Variants in NEBL observed in about 807,000 individuals in gnomAD.
NEBL encodes nebulette, also known as LIM and SH3 protein 2.
In NEBL, 122 loss-of-function variants were observed where a neutral mutation model predicts 140.2. That is an observed-to-expected ratio of 0.87 (90% confidence interval 0.75 to 1.01). NEBL has a LOEUF of 1.01. Ranked by LOEUF, NEBL falls within the 50% of genes least tolerant of loss-of-function variation. NEBL has a pLI of 0.00. For missense variants in NEBL, 1,365 were observed against 1,231.3 expected (o/e 1.11, Z -1.62); for synonymous variants, 436 against 398.9 (o/e 1.09, Z -1.11).
intron 2 of NEBL, chr10:21,126,028 G>A (rs147223120): frequency 1.2e-6 from 2 of 1,614,180 alleles, no homozygotes; most frequent in African/African-American, 1.3e-5. Flanking sequence ...CAGCCACCTG[G>A]CAAGCGTTGG....
intron 13 of NEBL, among the ~76,000 whole-genome samples, chr10:20,839,215 A>G (rs1209039006): frequency 5.3e-5 from 8 of 152,156 alleles, no homozygotes; most frequent in Non-Finnish European, 8.8e-5. Context: ...CCTGCCATTC[A>G]ACTGCATCTG....
chr10:20,871,422 A>C (rs1345778708), intron 5 of NEBL, among the ~76,000 whole-genome samples: 1 of 152,212 alleles, frequency 6.6e-6, no homozygotes, highest in Non-Finnish European at 1.5e-5. Flanking sequence ...AGCAGAATTA[A>C]AAATTTCACC....
chr10:20,885,242 C>T (rs1846403087), intron 4 of NEBL, among the ~76,000 whole-genome samples: 1 of 151,906 alleles, frequency 6.6e-6, no homozygotes, highest in African/African-American at 2.4e-5. Flanking sequence ...AATAGTTCTT[C>T]TACTTTCTTG....
chr10:21,225,826 G>A lies in NEBL; in HGVS notation n.348+22095C>T, dbSNP rs559045843. On this transcript the variant is annotated intron_variant and non_coding_transcript_variant, in intron 3 of 8. Transcript: ENST00000675702. Reference sequence around the variant, plus strand: ...GAGCAGGGTGGGAAATGCTAGCCAAGAGCCAAGCCCTGGAATTGGGGCCTC... The same window carrying A: ...GAGCAGGGTGGGAAATGCTAGCCAAAAGCCAAGCCCTGGAATTGGGGCCTC... 1.3e-4 allele frequency among the ~76,000 whole-genome samples: 20 copies of A among 152,300 alleles called. 2 individuals carry two copies. The highest frequency in any genetic ancestry group is 4.6e-4 in the African/African-American group (19 of 41,576).
At position 20,799,986 on chromosome 10, in the gene NEBL, C is replaced by T. The variant is rs937595166; in HGVS notation, c.2761+8524G>A. Among the ~76,000 whole-genome samples, 6 of 151,620 alleles carry T rather than the reference C, an allele frequency of 4.0e-5. No individual in the cohort carries two copies. In the East Asian group the frequency reaches 5.8e-4, roughly 15 times the overall value. Reference sequence around the variant, plus strand: ...GAGAGAGCGCACGCGTGTGAGAGAGCGAGCAAAGGGCAGCTACAATCTACT... The same window carrying T: ...GAGAGAGCGCACGCGTGTGAGAGAGTGAGCAAAGGGCAGCTACAATCTACT... On this transcript the variant is annotated intron_variant, in intron 26 of 27. Transcript: ENST00000377122.
intron 2 of NEBL, among the ~76,000 whole-genome samples, chr10:21,163,949 G>A (rs1840658482): frequency 2.6e-5 from 4 of 152,202 alleles, no homozygotes; most frequent in Admixed American, 2.6e-4. Context: ...TTCCAGTGAT[G>A]GAAGAAACAA....
intron 3 of NEBL, among the ~76,000 whole-genome samples, chr10:21,005,708 T>C (rs1339113740): frequency 5.3e-5 from 8 of 152,286 alleles, no homozygotes; most frequent in African/African-American, 1.9e-4. Context: ...CACTTCAGCC[T>C]GGGTGACAGA....
intron 3 of NEBL, among the ~76,000 whole-genome samples, chr10:21,014,596 T>TC (rs1463914810): frequency 1.3e-5 from 2 of 152,032 alleles, no homozygotes; most frequent in African/African-American, 2.4e-5. Context: ...AAGATGCAAC[T>TC]CCCCCCTGAG....
At chr10:21,259,972 T>G (rs1842718086) in intron 1 of NEBL, among the ~76,000 whole-genome samples, 1 of 152,178 alleles carries the variant, frequency 6.6e-6, no homozygotes, top group African/African-American at 2.4e-5. Context: ...GGAGTAAACC[T>G]GATACCACTG....
intron 4 of NEBL, among the ~76,000 whole-genome samples, chr10:20,941,072 C>T (rs1432031755): frequency 6.6e-6 from 1 of 152,176 alleles, no homozygotes; most frequent in Non-Finnish European, 1.5e-5. Flanking sequence ...GGGAATCCTC[C>T]CTAACTCATT....
At chr10:21,042,537 C>T (rs1224225666) in intron 2 of NEBL, among the ~76,000 whole-genome samples, 1 of 152,216 alleles carries the variant, frequency 6.6e-6, no homozygotes, top group African/African-American at 2.4e-5. Flanking sequence ...GTATTATGGT[C>T]TCTGCTCTTA....
intron 23 of NEBL, among the ~76,000 whole-genome samples, chr10:20,813,266 T>A (rs1004076992): frequency 6.6e-6 from 1 of 151,762 alleles, no homozygotes; most frequent in Non-Finnish European, 1.5e-5. Flanking sequence ...CTAATTTAAA[T>A]ATAAATTAAA....
intron 2 of NEBL, among the ~76,000 whole-genome samples, chr10:20,891,286 C>T (rs1709095870): frequency 6.6e-6 from 1 of 152,158 alleles, no homozygotes; most frequent in South Asian, 2.1e-4. Context: ...TATCTGAGCA[C>T]TAAATTACTT....
At chr10:21,150,634 T>A (rs1045688468) in intron 2 of NEBL, among the ~76,000 whole-genome samples, 8 of 152,182 alleles carry the variant, frequency 5.3e-5, no homozygotes, top group African/African-American at 1.7e-4. Flanking sequence ...GTAAATCCAT[T>A]TCCATATTTC....
Position 21,082,535 on chromosome 10 carries a change from T to TAAAAAA in NEBL, c.165-62340_165-62335dup, listed in dbSNP as rs61234594. ...AGTTTGAAGTGTTCCCCACCACCACTAAAAAAAAAAAAAAAAAAAAAAAAA... is the reference window on the plus strand; with the variant it reads ...AGTTTGAAGTGTTCCCCACCACCACTAAAAAAAAAAAAAAAAAAAAAAAAAAAAAAA... On this transcript the variant is annotated intron_variant, in intron 2 of 6. Transcript: ENST00000417816. 5.3e-3 allele frequency among the ~76,000 whole-genome samples: 622 copies of TAAAAAA among 117,178 alleles called. 26 individuals are homozygous for TAAAAAA. Among genetic ancestry groups the TAAAAAA allele is most frequent in the African/African-American group, 0.021 (520 of 25,194 alleles). The allele number at this position is 117,178 out of a possible 152,430, so 76.9% of individuals were successfully genotyped here.
At chr10:20,817,110 T>C (rs1051373971) in intron 21 of NEBL, among the ~76,000 whole-genome samples, 1 of 152,106 alleles carries the variant, frequency 6.6e-6, no homozygotes, top group African/African-American at 2.4e-5. Flanking sequence ...CCAGGCCCGG[T>C]GGCACACATC....
intron 3 of NEBL, among the ~76,000 whole-genome samples, chr10:20,974,024 G>A (rs959740347): frequency 1.3e-5 from 2 of 152,108 alleles, no homozygotes; most frequent in Middle Eastern, 3.2e-3. Context: ...AATGAGCATT[G>A]GGTACTTTTA....
intron 2 of NEBL, among the ~76,000 whole-genome samples, chr10:21,080,730 C>T (rs1836327146): frequency 1.3e-5 from 2 of 152,300 alleles, no homozygotes; most frequent in Non-Finnish European, 1.5e-5. Context: ...GGTGTCCAAC[C>T]TGTTTGAGTA....
upstream of NEBL, among the ~76,000 whole-genome samples, chr10:20,900,862 GA>G (rs1847841398): frequency 1.3e-5 from 1 of 79,022 alleles, no homozygotes. Flanking sequence ...AAAGAAAAAA[GA>G]AAAAAATTAG....
Sources: gnomAD v4.1 joint callset for allele counts (sites outside exome capture counted in the v4.1 genomes callset) on GRCh38, gnomAD v4.1.1 for gene constraint, MANE v1.5 for transcripts, NCBI Gene and HGNC (gene_info 2026-07-23, HGNC 2026-07-21) for gene names.